The following MAP3K5 variants were observed in gnomAD, a reference collection of about 807,000 sequenced individuals.
The protein encoded by MAP3K5 is mitogen-activated protein kinase kinase kinase 5.
In MAP3K5, 56 loss-of-function variants were observed where a neutral mutation model predicts 158.7. The observed-to-expected ratio is 0.35, with a 90% CI of 0.28 to 0.44. The LOEUF (loss-of-function observed/expected upper bound fraction) is 0.44, where lower values mean the gene tolerates loss of function less well. MAP3K5 is among the 20% of genes least tolerant of loss of function. The pLI is 1.00. For missense variants in MAP3K5, 1,294 were observed against 1,674.8 expected, an observed-to-expected ratio of 0.77 and a Z score of 3.97; for synonymous variants, 579 against 601.7, an observed-to-expected ratio of 0.96 and a Z score of 0.55.
chr6:136,674,233 T>G (rs1322656341), intron 7 of MAP3K5, among the ~76,000 whole-genome samples: 1 of 151,974 alleles, frequency 6.6e-6, no homozygotes, highest in Non-Finnish European at 1.5e-5. Flanking sequence ...TAAAGGAAAG[T>G]GATTTCATTT....
chr6:136,791,048 T>C (rs1331661878), intron 1 of MAP3K5, among the ~76,000 whole-genome samples: 2 of 152,182 alleles, frequency 1.3e-5, no homozygotes, highest in South Asian at 2.1e-4. Context: ...TATGGGGTAA[T>C]AAAAAACAGG....
intron 1 of MAP3K5, among the ~76,000 whole-genome samples, chr6:136,774,499 T>A (rs1432138371): frequency 6.6e-6 from 1 of 152,196 alleles, no homozygotes; most frequent in African/African-American, 2.4e-5. Context: ...ACAATATATA[T>A]AATACGTTCA....
intron 7 of MAP3K5, among the ~76,000 whole-genome samples, chr6:136,677,386 C>T (rs1279979534): frequency 6.6e-6 from 1 of 152,154 alleles, no homozygotes; most frequent in Non-Finnish European, 1.5e-5. Flanking sequence ...ATCTGCCTGC[C>T]TTGGCCTCCC....
chr6:136,654,294 C>A (rs1314482188), intron 10 of MAP3K5, among the ~76,000 whole-genome samples: 2 of 152,196 alleles, frequency 1.3e-5, no homozygotes. Context: ...CTTGTCTCCA[C>A]AATGGTGTCA....
At chr6:136,759,745 C>A (rs1234119437) in intron 1 of MAP3K5, among the ~76,000 whole-genome samples, 3 of 146,638 alleles carry the variant, frequency 2.0e-5, no homozygotes, top group Non-Finnish European at 4.5e-5. Context: ...GTGTGAGCTA[C>A]CGCACCCAGC....
intron 15 of MAP3K5, among the ~76,000 whole-genome samples, chr6:136,618,463 T>C (rs892579866): frequency 7.2e-5 from 11 of 152,218 alleles, no homozygotes; most frequent in African/African-American, 2.2e-4. Flanking sequence ...TGGTGTGCTT[T>C]GTGTGTGTAT....
At chr6:136,560,151 A>G (rs1830442873) in intron 28 of MAP3K5, among the ~76,000 whole-genome samples, 1 of 152,186 alleles carries the variant, frequency 6.6e-6, no homozygotes, top group Non-Finnish European at 1.5e-5. Flanking sequence ...GTGTTCATAT[A>G]ATGAACATAA....
Position 136,633,756 on chromosome 6 carries a change from T to C in MAP3K5, c.2016+3569A>G, listed in dbSNP as rs568282249. 2.6e-5 allele frequency among the ~76,000 whole-genome samples: 4 copies of C among 152,318 alleles called. No homozygotes were observed. The South Asian group carries it at 6.2e-4, about 24-fold the overall frequency. On this transcript the variant is annotated intron_variant, in intron 14 of 29. Coordinates refer to ENST00000359015, the MANE Select transcript of MAP3K5 (RefSeq NM_005923.4). ...CTAGGAATTAGTTTCACATTTGTAG[T>C]TTATAGAATCACATTAATAGTTACT...
At chr6:136,674,107 C>T (rs371668220) in intron 7 of MAP3K5, among the ~76,000 whole-genome samples, 2 of 151,576 alleles carry the variant, frequency 1.3e-5, no homozygotes, top group African/African-American at 4.8e-5. Flanking sequence ...AACGTAGTGA[C>T]ATCTTTAGAG....
chr6:136,648,307 T>C (rs532968010), intron 11 of MAP3K5, among the ~76,000 whole-genome samples: 6 of 152,300 alleles, frequency 3.9e-5, no homozygotes, highest in South Asian at 4.2e-4. Context: ...CTGGGGCCTG[T>C]TGGGTGAAGA....
intron 1 of MAP3K5, among the ~76,000 whole-genome samples, chr6:136,721,942 T>C (rs1341795135): frequency 1.3e-5 from 2 of 152,192 alleles, no homozygotes; most frequent in East Asian, 3.8e-4. Flanking sequence ...ATATGTTTCA[T>C]AACAACTTCC....
intron 7 of MAP3K5, among the ~76,000 whole-genome samples, chr6:136,673,432 T>C (rs1263242225): frequency 6.6e-6 from 1 of 152,134 alleles, no homozygotes; most frequent in Admixed American, 6.5e-5. Flanking sequence ...GACCTACAGA[T>C]AATTCGGATG....
chr6:136,629,627 T>TA (rs1430063762), intron 14 of MAP3K5, among the ~76,000 whole-genome samples: 38 of 151,750 alleles, frequency 2.5e-4, no homozygotes, highest in African/African-American at 9.2e-4. Flanking sequence ...GCTAATTTTT[T>TA]GTATTTTTAG....
chr6:136,731,611 G>A (rs1213991451), intron 1 of MAP3K5, among the ~76,000 whole-genome samples: 1 of 152,146 alleles, frequency 6.6e-6, no homozygotes, highest in Non-Finnish European at 1.5e-5. Flanking sequence ...TCCAAATAAG[G>A]TACCATGCAC....
intron 15 of MAP3K5, among the ~76,000 whole-genome samples, chr6:136,622,373 TCA>T (rs947386125): frequency 7.2e-5 from 11 of 152,160 alleles, no homozygotes; most frequent in African/African-American, 2.7e-4. Flanking sequence ...TATGAGTCTC[TCA>T]GTTTTCCAGT....
chr6:136,719,507 C>A (rs1221766132), intron 2 of MAP3K5, among the ~76,000 whole-genome samples: 1 of 152,176 alleles, frequency 6.6e-6, no homozygotes, highest in Non-Finnish European at 1.5e-5. Flanking sequence ...CAATGCCTGG[C>A]ATGTAGTAGG....
chr6:136,586,169 T>G (rs1338242924), intron 23 of MAP3K5, among the ~76,000 whole-genome samples: 1 of 152,242 alleles, frequency 6.6e-6, no homozygotes, highest in Non-Finnish European at 1.5e-5. Flanking sequence ...TGTTGGTTTT[T>G]TCCTTACCAC....
At chr6:136,606,038 A>G (rs1776083686) in intron 18 of MAP3K5, among the ~76,000 whole-genome samples, 1 of 152,220 alleles carries the variant, frequency 6.6e-6, no homozygotes, top group African/African-American at 2.4e-5. Flanking sequence ...ATATAGACAC[A>G]TAATCAGATA....
intron 3 of MAP3K5, among the ~76,000 whole-genome samples, chr6:136,699,498 C>T (rs1009711): frequency 0.53 from 80,523 of 151,950 alleles, 21,562 homozygotes; most frequent in South Asian, 0.63. Flanking sequence ...TGCAATGCAA[C>T]GTACAAGGGC....
Sources: allele counts gnomAD v4.1 joint callset (sites outside exome capture counted in the v4.1 genomes callset), GRCh38; gene constraint gnomAD v4.1.1; transcripts MANE v1.5; gene names NCBI Gene and HGNC (gene_info 2026-07-23, HGNC 2026-07-21).